The following NXN variants were observed in gnomAD, a reference collection of about 807,000 sequenced individuals.
NXN encodes nucleoredoxin 1.
In NXN, 16 loss-of-function variants were observed where a neutral mutation model predicts 48.6. The observed-to-expected ratio is 0.33, with a 90% CI of 0.22 to 0.50. NXN has a LOEUF of 0.50. NXN is among the 20% of genes least tolerant of loss of function. The pLI is 0.98. For missense variants in NXN, 492 were observed against 605.5 expected, an observed-to-expected ratio of 0.81 and a Z score of 1.97; for synonymous variants, 281 against 269.6, an observed-to-expected ratio of 1.04 and a Z score of -0.41.
At chr17:861,043 G>C (rs2068034967) in intron 1 of NXN, among the ~76,000 whole-genome samples, 1 of 152,236 alleles carries the variant, frequency 6.6e-6, no homozygotes, top group Non-Finnish European at 1.5e-5. Context: ...CACAGATACG[G>C]ACTGGGGAAG....
chr17:851,221 G>GC (rs1295546833), intron 1 of NXN, among the ~76,000 whole-genome samples: 2 of 152,190 alleles, frequency 1.3e-5, no homozygotes, highest in Admixed American at 6.5e-5. Flanking sequence ...CGGTGGGGAG[G>GC]CCGGGGCCCA....
chr17:801,600 G>A (rs1037157090), intron 7 of NXN, among the ~76,000 whole-genome samples: 4 of 151,458 alleles, frequency 2.6e-5, no homozygotes, highest in Admixed American at 6.6e-5. Context: ...CGCCCACCAC[G>A]CCCGGCTAAT....
intron 1 of NXN, among the ~76,000 whole-genome samples, chr17:934,789 G>A (rs186900911): frequency 1.9e-4 from 29 of 151,878 alleles, no homozygotes; most frequent in Admixed American, 4.6e-4. Context: ...CAGGAGAATC[G>A]CTTGAACCCG....
intron 4 of NXN, among the ~76,000 whole-genome samples, chr17:819,857 G>A (rs1023045755): frequency 1.3e-5 from 2 of 152,184 alleles, no homozygotes; most frequent in African/African-American, 4.8e-5. Context: ...TTGCCTCAGA[G>A]CTCAGATGTG....
chr17:976,588 G>A lies in NXN; in HGVS notation c.360+2731C>T, dbSNP rs117333561. Reference sequence around the variant, plus strand: ...CACGGATAGAGTCCATCCACAAGACGTGTTCACCCATCCAGTGCCCTCAGC... The same window carrying A: ...CACGGATAGAGTCCATCCACAAGACATGTTCACCCATCCAGTGCCCTCAGC... On this transcript the variant is annotated intron_variant, in intron 1 of 7. Coordinates refer to ENST00000336868, the MANE Select transcript of NXN (RefSeq NM_022463.5). 1.8e-4 allele frequency among the ~76,000 whole-genome samples: 27 copies of A among 152,124 alleles called. 1 individual carries two copies. The East Asian group carries it at 3.9e-3, about 22-fold the overall frequency.
chr17:954,053 G>C (rs1311949474), intron 1 of NXN, among the ~76,000 whole-genome samples: 1 of 152,204 alleles, frequency 6.6e-6, no homozygotes, highest in Admixed American at 6.5e-5. Context: ...AGCACACCAA[G>C]ATGATTCTTG....
At chr17:831,648 C>G (rs903918477) in intron 1 of NXN, among the ~76,000 whole-genome samples, 3 of 151,676 alleles carry the variant, frequency 2.0e-5, no homozygotes, top group African/African-American at 7.3e-5. Flanking sequence ...TACAGGCATT[C>G]GCCACCACAC....
At chr17:934,138 A>C (rs1030903038) in intron 1 of NXN, among the ~76,000 whole-genome samples, 4 of 152,096 alleles carry the variant, frequency 2.6e-5, no homozygotes, top group African/African-American at 9.7e-5. Context: ...GCCGTGGCTC[A>C]CGTCTGTAAT....
intron 5 of NXN, among the ~76,000 whole-genome samples, chr17:808,919 T>C (rs7219762): frequency 0.27 from 40,139 of 151,442 alleles, 5,982 homozygotes; most frequent in African/African-American, 0.4. Flanking sequence ...TCAAGTGATC[T>C]GCCCGCCTCG....
chr17:900,524 G>A lies in NXN; in HGVS notation c.361-74446C>T, dbSNP rs1333669147. Among the ~76,000 whole-genome samples the A allele has an allele frequency of 2.0e-5, 3 of 152,118 alleles. No homozygotes were observed. In the South Asian group the frequency reaches 6.2e-4, roughly 32 times the overall value. On this transcript the variant is annotated intron_variant, in intron 1 of 7. Transcript: ENST00000336868. ...GGAGGAAATCTCTTTCCTCCCAGGA[G>A]GCTGCTGGCAAACCATGGCATCAGG...
Position 804,076 on chromosome 17 carries a change from G to C in NXN, c.1001-270C>G, listed in dbSNP as rs144166253. The C allele has an allele frequency of 6.1e-4, 256 of 418,834 alleles. 1 individual carries two copies. Among genetic ancestry groups the C allele is most frequent in the Middle Eastern group, 3.4e-3 (5 of 1,472 alleles). 25.9% of individuals were successfully genotyped at this position (418,834 alleles called of 1,614,324 possible). A position where few individuals can be genotyped will look rare whatever the true frequency, so the allele number is the denominator to read the frequency against. On this transcript the variant is annotated intron_variant, in intron 6 of 7. Transcript: ENST00000336868. ...CTGAGCAGCTCTGCTCTCCCAGGTA[G>C]ACAGTCTTCCCATTGAATTCCTCAC...
At chr17:831,341 T>C (rs116609855) in intron 1 of NXN, among the ~76,000 whole-genome samples, 58,870 of 151,720 alleles carry the variant, frequency 0.39, 11,730 homozygotes, top group East Asian at 0.51. Context: ...AGAGGATGTA[T>C]ATAGGTTATA....
chr17:840,525 G>A (rs1418046419), intron 1 of NXN, among the ~76,000 whole-genome samples: 1 of 152,114 alleles, frequency 6.6e-6, no homozygotes. Flanking sequence ...ATTTTTAGTA[G>A]AGACAGGGTT....
chr17:850,341 G>A (rs1567832718), intron 1 of NXN, among the ~76,000 whole-genome samples: 1 of 152,182 alleles, frequency 6.6e-6, no homozygotes, highest in Admixed American at 6.5e-5. Flanking sequence ...TTCAGACAAG[G>A]GAGCAAATGA....
In NXN at chr17:834,415, G is replaced by A. The variant is rs183248070; in HGVS notation, c.361-8337C>T. Among the ~76,000 whole-genome samples the A allele has an allele frequency of 5.6e-4, 85 of 152,204 alleles. No homozygotes were observed. The South Asian group carries it at 0.01, about 18-fold the overall frequency. On this transcript the variant is annotated intron_variant, in intron 1 of 7. Transcript: ENST00000336868. ...TCTGTCTAGAGATCATCCTGGCAAC[G>A]TATCCACCCAGGGTGCATTTTGTTA... is the stretch of plus-strand genomic sequence containing the variant.
At chr17:910,172 G>A (rs560887698) in intron 1 of NXN, among the ~76,000 whole-genome samples, 1 of 152,254 alleles carries the variant, frequency 6.6e-6, no homozygotes, top group South Asian at 2.1e-4. Flanking sequence ...AGCAGTTGGG[G>A]AGGCCGAGGC....
rs1190743630 is a variant in NXN, at chr17:917,052, TTC to T, written c.360+62265_360+62266del. Among the ~76,000 whole-genome samples the T allele has an allele frequency of 6.6e-6, 1 of 152,220 alleles. No individual in the cohort carries two copies. Among genetic ancestry groups the T allele is most frequent in the Non-Finnish European group, 1.5e-5 (1 of 68,032 alleles). On this transcript the variant is annotated intron_variant, in intron 1 of 7. Coordinates refer to ENST00000336868, the MANE Select transcript of NXN (RefSeq NM_022463.5). This position sits in a 1 kb window ranked among gnomAD's most constrained non-coding sequence, Gnocchi z 4.5. ...TATCAGACATTCCCTGTGTGTCCTG[TTC>T]TGTTATACATGCTGAAGCTACAAAT...
At chr17:813,077 C>T (rs1030553756) in intron 5 of NXN, among the ~76,000 whole-genome samples, 3 of 152,194 alleles carry the variant, frequency 2.0e-5, no homozygotes, top group Non-Finnish European at 4.4e-5. Context: ...ACCTGGAACA[C>T]GTCCACTGAA....
At chr17:938,551 C>G (rs1031176780) in intron 1 of NXN, among the ~76,000 whole-genome samples, 1 of 151,810 alleles carries the variant, frequency 6.6e-6, no homozygotes, top group Non-Finnish European at 1.5e-5. Context: ...GGCTTAGTGA[C>G]GAGCCCCTGT....
Sources: gnomAD v4.1 joint callset for allele counts (sites outside exome capture counted in the v4.1 genomes callset) on GRCh38, gnomAD v4.1.1 for gene constraint, Gnocchi (gnomAD v3.1) non-coding constraint, MANE v1.5 for transcripts, NCBI Gene and HGNC (gene_info 2026-07-23, HGNC 2026-07-21) for gene names.